The following MAD1L1 variants were observed in gnomAD, a reference collection of about 807,000 sequenced individuals.
MAD1L1 encodes the protein mitotic arrest deficient 1 like 1.
A neutral mutation model predicts 96.9 loss-of-function variants in MAD1L1; 95 were observed. The observed-to-expected ratio is 0.98, with a 90% CI of 0.83 to 1.16. The LOEUF (loss-of-function observed/expected upper bound fraction) is 1.16. Ranked by LOEUF, MAD1L1 falls within the 50% of genes most tolerant of loss-of-function variation. The probability of loss-of-function intolerance (pLI) is 0.00; values close to 1 mark genes in which losing one functional copy is unlikely to be tolerated. For synonymous variants in MAD1L1, 473 were observed against 396.6 expected (o/e 1.19, Z -2.29); for missense variants, 1,007 against 954.4 (o/e 1.06, Z -0.73).
chr7:2,063,997 G>T lies in MAD1L1; in HGVS notation c.1218+5197C>A, dbSNP rs531333995. Among the ~76,000 whole-genome samples, 5 of 152,294 alleles carry T rather than the reference G, an allele frequency of 3.3e-5. No individual in the cohort carries two copies. In the East Asian group the frequency reaches 9.7e-4, roughly 29 times the overall value. ...ACTGCCTTCCTAGGATGGACCAGAA[G>T]GGGGCCTGGAGCCTCTCCCGTAGCA... On this transcript the variant is annotated intron_variant, in intron 12 of 18. Coordinates refer to ENST00000265854, the MANE Select transcript of MAD1L1 (RefSeq NM_001013836.2).
intron 10 of MAD1L1, among the ~76,000 whole-genome samples, chr7:2,154,645 A>G (rs1208390059): frequency 1.3e-5 from 2 of 152,236 alleles, no homozygotes; most frequent in Non-Finnish European, 2.9e-5. Context: ...AATGGTAAAT[A>G]AATAAATAAA....
At chr7:2,051,587 A>G (rs1264428016) in intron 12 of MAD1L1, among the ~76,000 whole-genome samples, 2 of 151,934 alleles carry the variant, frequency 1.3e-5, no homozygotes, top group East Asian at 3.9e-4. Context: ...ACCGCACATG[A>G]AGACTGGGCC....
intron 18 of MAD1L1, among the ~76,000 whole-genome samples, chr7:1,887,937 G>A (rs1786229608): frequency 6.6e-6 from 1 of 151,918 alleles, no homozygotes; most frequent in South Asian, 2.1e-4. Context: ...GCCTGTGCAC[G>A]TGTGTGTATG....
At chr7:2,075,135 G>A (rs947011614) in intron 11 of MAD1L1, among the ~76,000 whole-genome samples, 2 of 152,186 alleles carry the variant, frequency 1.3e-5, no homozygotes, top group African/African-American at 4.8e-5. Flanking sequence ...TCCAGCAGAG[G>A]CAGCCCTGTC....
intron 17 of MAD1L1, among the ~76,000 whole-genome samples, chr7:1,901,122 G>A (rs1054045234): frequency 6.6e-6 from 1 of 152,190 alleles, no homozygotes; most frequent in African/African-American, 2.4e-5. Context: ...CGTAGGGAAG[G>A]GTCCATCCTC....
intron 12 of MAD1L1, among the ~76,000 whole-genome samples, chr7:2,023,045 C>T (rs1462793945): frequency 6.6e-6 from 1 of 152,164 alleles, no homozygotes; most frequent in East Asian, 1.9e-4. Flanking sequence ...GCGAGGAAAA[C>T]CTGAAAGAAC....
chr7:1,856,098 T>C (rs954744099), intron 18 of MAD1L1, among the ~76,000 whole-genome samples: 1 of 152,132 alleles, frequency 6.6e-6, no homozygotes, highest in Admixed American at 6.5e-5. Flanking sequence ...TAATCCCTCA[T>C]CTTGGGCGTT....
chr7:2,017,385 T>G (rs563419011), intron 12 of MAD1L1, among the ~76,000 whole-genome samples: 1 of 152,182 alleles, frequency 6.6e-6, no homozygotes, highest in Non-Finnish European at 1.5e-5. Context: ...AGGAATAGAA[T>G]GTGCTCATCA....
intron 4 of MAD1L1, among the ~76,000 whole-genome samples, chr7:2,224,801 G>A (rs937435342): frequency 6.6e-6 from 1 of 152,186 alleles, no homozygotes; most frequent in Non-Finnish European, 1.5e-5. Flanking sequence ...CCCAAGGACA[G>A]GGTGTTTTCC....
intron 18 of MAD1L1, among the ~76,000 whole-genome samples, chr7:1,854,844 C>CA (rs1461365419): frequency 4.6e-5 from 7 of 152,206 alleles, no homozygotes; most frequent in Non-Finnish European, 8.8e-5. Flanking sequence ...GCTCCCATTT[C>CA]AAAAGGGGGA....
At chr7:1,934,941 C>G (rs68124157) in intron 17 of MAD1L1, among the ~76,000 whole-genome samples, 3 of 148,634 alleles carry the variant, frequency 2.0e-5, no homozygotes, top group Non-Finnish European at 4.4e-5. Flanking sequence ...GAACCCGAGA[C>G]GGGCAGAGAC....
chr7:2,057,147 C>G (rs958625279), intron 12 of MAD1L1, among the ~76,000 whole-genome samples: 1 of 152,216 alleles, frequency 6.6e-6, no homozygotes, highest in Non-Finnish European at 1.5e-5. Flanking sequence ...AGAGAGGGGC[C>G]CTTGAGCTCC....
chr7:2,145,971 G>T (rs186005210), intron 11 of MAD1L1, among the ~76,000 whole-genome samples: 79 of 152,314 alleles, frequency 5.2e-4, no homozygotes, highest in African/African-American at 1.8e-3. Context: ...CAGCGACTGT[G>T]GGAAGGGCGC....
intron 11 of MAD1L1, among the ~76,000 whole-genome samples, chr7:2,133,130 T>A (rs887367627): frequency 6.7e-6 from 1 of 150,322 alleles, no homozygotes; most frequent in Non-Finnish European, 1.5e-5. Context: ...GCTCACCCAT[T>A]TTCAATGCTG....
At chr7:2,045,205 TCTCAGTGGCTGTGAATCC>T (rs1348458189) in intron 12 of MAD1L1, among the ~76,000 whole-genome samples, 1 of 152,178 alleles carries the variant, frequency 6.6e-6, no homozygotes, top group Non-Finnish European at 1.5e-5. Flanking sequence ...CCAGCCCGTG[TCTCAGTGGCTGTGAATCC>T]CTGTAAGAGT....
chr7:1,828,728 C>CACACAT (rs149062636), intron 18 of MAD1L1, among the ~76,000 whole-genome samples: 2 of 151,884 alleles, frequency 1.3e-5, no homozygotes, highest in Non-Finnish European at 2.9e-5. Flanking sequence ...CACAGGCACA[C>CACACAT]GCACACATGC....
chr7:2,153,255 T>C (rs1425690249), intron 10 of MAD1L1, among the ~76,000 whole-genome samples: 3 of 152,262 alleles, frequency 2.0e-5, no homozygotes, highest in African/African-American at 2.4e-5. Flanking sequence ...AGACAGCCTC[T>C]TGAATGCAGG....
chr7:1,993,336 C>T (rs1584019540), intron 14 of MAD1L1, among the ~76,000 whole-genome samples: 1 of 152,224 alleles, frequency 6.6e-6, no homozygotes, highest in Non-Finnish European at 1.5e-5. Flanking sequence ...AACCAGCTTG[C>T]CTTCCCATGT....
rs1234292793 is a variant in MAD1L1 at position 2,167,295 on chromosome 7, C to G, written c.987-18057G>C. On this transcript the variant is annotated intron_variant, in intron 10 of 18. Coordinates refer to ENST00000265854, the MANE Select transcript of MAD1L1 (RefSeq NM_001013836.2). ...GGGCGCGGCAGCTCATGCCTGTAAT[C>G]CCAGCACTTTGGGAGGCTGAGGCGG... Among the ~76,000 whole-genome samples the G allele has an allele frequency of 2.0e-5, 3 of 152,206 alleles. No individual in the cohort carries two copies. In the East Asian group the frequency reaches 5.8e-4, roughly 29 times the overall value.
Sources: allele counts gnomAD v4.1 joint callset (sites outside exome capture counted in the v4.1 genomes callset), GRCh38; gene constraint gnomAD v4.1.1; transcripts MANE v1.5; gene names NCBI Gene and HGNC (gene_info 2026-07-23, HGNC 2026-07-21).